ZNF106: variants seen among roughly 807,000 people sequenced by gnomAD.
ZNF106 encodes the protein zinc finger protein 106, also known as SH3-domain binding protein 3.
Under a neutral mutation model 195.1 loss-of-function variants are expected in ZNF106, and 67 were observed. The ratio of observed to expected loss-of-function variants is 0.34; its 90% CI spans 0.28 to 0.42. The LOEUF (loss-of-function observed/expected upper bound fraction) is 0.42, where lower values mean the gene tolerates loss of function less well. Ranked by LOEUF, ZNF106 falls within the 10% of genes least tolerant of loss-of-function variation. The pLI is 1.00. For synonymous variants in ZNF106, 784 were observed against 818.6 expected, an observed-to-expected ratio of 0.96 and a Z score of 0.72; for missense variants, 2,118 against 2,304.5, an observed-to-expected ratio of 0.92 and a Z score of 1.66.
chr15:42,442,280 G>A lies in ZNF106; in HGVS notation c.3556C>T (p.Pro1186Ser), dbSNP rs2055567905. Residue 1186 changes from proline to serine, a missense_variant, in exon 10 of 22, where the codon CCA becomes TCA. Transcript: ENST00000564754. Reference protein sequence around the residue: ...TPFFPLFLEPPSSHVSPSPTG... With the variant: ...TPFFPLFLEPSSSHVSPSPTG... ...GGTGATGGAGACACATGGGAAGATGGAGGCTCCAGAAAAAGTGGGAAAAAG... is the reference window on the plus strand; with the variant it reads ...GGTGATGGAGACACATGGGAAGATGAAGGCTCCAGAAAAAGTGGGAAAAAG... 6.2e-7 allele frequency: 1 copy of A among 1,614,046 alleles called. No individual in the cohort carries two copies. Among genetic ancestry groups the A allele is most frequent in the African/African-American group, 1.3e-5 (1 of 74,910 alleles).
At chr15:42,419,717 C>T (rs1384723834) in intron 20 of ZNF106, among the ~76,000 whole-genome samples, 5 of 152,046 alleles carry the variant, frequency 3.3e-5, no homozygotes, top group Admixed American at 6.6e-5. Context: ...TTTGGGAGGC[C>T]GAGGCAGGTG....
chr15:42,435,342 G>T (rs751417516), intron 14 of ZNF106, 42 bp downstream of exon 14: 1 of 1,612,722 alleles, frequency 6.2e-7, no homozygotes, highest in South Asian at 1.1e-5. Context: ...ATACAAAGGC[G>T]ACTCAATATG....
rs1170902147 is a variant in ZNF106 at position 42,450,444 on chromosome 15, C to G, written c.1828G>C (p.Glu610Gln). The G allele has an allele frequency of 6.2e-7, 1 of 1,614,200 alleles. No individual in the cohort carries two copies. Among genetic ancestry groups the G allele is most frequent in the South Asian group, 1.1e-5 (1 of 91,078 alleles). Residue 610 changes from glutamate (E) to glutamine (Q), a missense_variant, in exon 5 of 22, where the codon GAA becomes CAA. Physicochemically the swap from Glu to Gln is conservative, Grantham distance 29. Transcript: ENST00000564754. ...GATGTCTCTCCATCACTTTCATCTT[C>G]TAGTGCGTGCACTTGAAACTCAATT... ...LKIEFQVHAL[E>Q]DESDGETSDT...
In ZNF106 at chr15:42,487,689, T is replaced by C. The variant is rs1595504118; in HGVS notation, c.-33+3291A>G. Among the ~76,000 whole-genome samples the C allele has an allele frequency of 2.6e-5, 4 of 152,118 alleles. No homozygotes were observed. In the East Asian group the frequency reaches 7.7e-4, roughly 29 times the overall value. On this transcript the variant is annotated intron_variant, in intron 1 of 21. Coordinates refer to ENST00000564754, the MANE Select transcript of ZNF106 (RefSeq NM_001366845.3). The stretch of plus-strand genomic sequence containing the variant: ...CCATTTAAGTGTAGTTTAGTGGTAT[T>C]AAATACATTCATAATGTTGTACAAC...
intron 2 of ZNF106, 41 bp from the exon 3 acceptor site, chr15:42,466,155 G>A: frequency 6.9e-7 from 1 of 1,453,048 alleles, no homozygotes; most frequent in Non-Finnish European, 9.1e-7. Context: ...AAGCAGGATT[G>A]CTTTGAAAAA....
At chr15:42,444,575 A>ACCTCTTTCTTGCTGT (rs1555428104) in intron 8 of ZNF106, among the ~76,000 whole-genome samples, 1 of 151,950 alleles carries the variant, frequency 6.6e-6, no homozygotes, top group African/African-American at 2.4e-5. Context: ...TAGGGAGAAC[A>ACCTCTTTCTTGCTGT]CCCTTGTGGG....
At position 42,433,169 on chromosome 15, in the gene ZNF106, A is replaced by G. The variant is rs181174598; in HGVS notation, c.4881+2215T>C. Reference sequence around the variant, plus strand: ...CGCCCAGGCTGGAGTGCAGTGGCGCAATCTCGGCTCACTGCAAGCTCCGCC... The same window carrying G: ...CGCCCAGGCTGGAGTGCAGTGGCGCGATCTCGGCTCACTGCAAGCTCCGCC... On this transcript the variant is annotated intron_variant, in intron 14 of 21. Transcript: ENST00000564754. Among the ~76,000 whole-genome samples the G allele has an allele frequency of 6.3e-3, 937 of 149,206 alleles. 7 individuals carry two copies. The highest frequency in any genetic ancestry group is 0.022 in the African/African-American group (889 of 40,634).
chr15:42,470,507 C>T (rs2056642160), intron 2 of ZNF106, among the ~76,000 whole-genome samples: 1 of 152,030 alleles, frequency 6.6e-6, no homozygotes, highest in East Asian at 1.9e-4. Flanking sequence ...ACCAGCTTTT[C>T]CTTTTTTTAA....
intron 4 of ZNF106, among the ~76,000 whole-genome samples, chr15:42,452,954 G>A (rs2056099438): frequency 6.6e-6 from 1 of 152,066 alleles, no homozygotes; most frequent in South Asian, 2.1e-4. Context: ...CCAAAGTGCT[G>A]GGATTACAGG....
intron 7 of ZNF106, 94 bp downstream of exon 7, chr15:42,446,495 T>G: frequency 1.1e-6 from 1 of 912,660 alleles, no homozygotes; most frequent in Non-Finnish European, 1.7e-6. Flanking sequence ...GAGGATTGCT[T>G]GAGCCCAAGA....
intron 9 of ZNF106, among the ~76,000 whole-genome samples, chr15:42,443,228 G>T (rs1480990505): frequency 6.6e-6 from 1 of 152,084 alleles, no homozygotes; most frequent in Non-Finnish European, 1.5e-5. Context: ...ACTAATGGAA[G>T]GGAGAAGATT....
chr15:42,442,933 G>A (rs113683693), intron 9 of ZNF106, among the ~76,000 whole-genome samples: 4,715 of 152,070 alleles, frequency 0.031, 193 homozygotes, highest in African/African-American at 0.093. Context: ...ACAGGAGCAC[G>A]CCACCATGCC....
At chr15:42,428,440 C>A (rs1446666655) in intron 14 of ZNF106, among the ~76,000 whole-genome samples, 1 of 151,928 alleles carries the variant, frequency 6.6e-6, no homozygotes, top group African/African-American at 2.4e-5. Context: ...ATTAAGAGGC[C>A]AAATATAAAA....
At chr15:42,485,399 TACA>T (rs1180023014) in intron 1 of ZNF106, among the ~76,000 whole-genome samples, 1 of 152,204 alleles carries the variant, frequency 6.6e-6, no homozygotes, top group Non-Finnish European at 1.5e-5. Context: ...ATCATGCTGT[TACA>T]ACATTAATGA....
At position 42,462,053 on chromosome 15, in the gene ZNF106, G is replaced by C. The variant is rs116529874; in HGVS notation, c.116+4000C>G. ...CTATATCCAATATGTGAGTAAATAA[G>C]TACTAAAGGCTATCCTCTAAAGAAA... On this transcript the variant is annotated intron_variant, in intron 3 of 21. Transcript: ENST00000564754. Among the ~76,000 whole-genome samples the C allele has an allele frequency of 8.6e-3, 1,306 of 152,244 alleles. 21 individuals carry two copies. The highest frequency in any genetic ancestry group is 0.03 in the African/African-American group (1,243 of 41,542).
At chr15:42,486,977 C>T (rs1273510742) in intron 1 of ZNF106, among the ~76,000 whole-genome samples, 2 of 151,754 alleles carry the variant, frequency 1.3e-5, no homozygotes, top group Non-Finnish European at 2.9e-5. Context: ...AGTGAAACCC[C>T]ATCTCTACTA....
intron 21 of ZNF106, 65 bp from the exon 22 acceptor site, chr15:42,417,425 C>G (rs1028799918): frequency 7.5e-6 from 12 of 1,593,342 alleles, no homozygotes; most frequent in Non-Finnish European, 9.5e-6. Context: ...AAAGTCAAAG[C>G]CAAGGAAAGC....
intron 15 of ZNF106, among the ~76,000 whole-genome samples, chr15:42,425,964 A>T (rs935778965): frequency 6.6e-6 from 1 of 152,170 alleles, no homozygotes; most frequent in Non-Finnish European, 1.5e-5. Flanking sequence ...TCCCCCAGCC[A>T]ACCCTGTTCA....
At chr15:42,441,199 CG>C (rs1178337886) in intron 10 of ZNF106, among the ~76,000 whole-genome samples, 3 of 146,430 alleles carry the variant, frequency 2.0e-5, no homozygotes, top group African/African-American at 7.5e-5. Flanking sequence ...AAAAATTAGC[CG>C]GGCATGGTGG....
Sources: allele counts gnomAD v4.1 joint callset (sites outside exome capture counted in the v4.1 genomes callset), GRCh38; gene constraint gnomAD v4.1.1; transcripts MANE v1.5; gene names NCBI Gene and HGNC (gene_info 2026-07-23, HGNC 2026-07-21).